The following WDR41 variants were observed in gnomAD, a reference collection of about 807,000 sequenced individuals.
WDR41 encodes the protein WD repeat-containing protein 41.
WDR41 carries 63 observed loss-of-function variants against 69.3 expected under a neutral mutation model. The ratio of observed to expected loss-of-function variants is 0.91; its 90% CI spans 0.74 to 1.12. The LOEUF (loss-of-function observed/expected upper bound fraction) is 1.12, where lower values mean the gene tolerates loss of function less well. Ranked by LOEUF, WDR41 falls within the 50% of genes most tolerant of loss-of-function variation. The pLI is 0.00. For synonymous variants in WDR41, 185 were observed against 192.1 expected (o/e 0.96, Z 0.31); for missense variants, 543 against 534.5 (o/e 1.02, Z -0.16).
intron 1 of WDR41, among the ~76,000 whole-genome samples, chr5:77,612,427 T>C (rs905770538): frequency 2.6e-5 from 4 of 152,040 alleles, no homozygotes; most frequent in African/African-American, 4.8e-5. Flanking sequence ...CAGCAATACA[T>C]CAAAAAGCTT....
In WDR41 at chr5:77,442,894, C is replaced by CAAAAAA. The variant is rs60442242; in HGVS notation, c.698-1903_698-1898dup. The stretch of plus-strand genomic sequence containing the variant: ...GCGACAGAGCGAGACTCTGTCTCCC[C>CAAAAAA]AAAAAAAAAAAAAAAAAAAGGATTT... On this transcript the variant is annotated intron_variant, in intron 8 of 12. Transcript: ENST00000296679. 1.2e-4 allele frequency among the ~76,000 whole-genome samples: 7 copies of CAAAAAA among 56,258 alleles called. 1 individual carries two copies. Among genetic ancestry groups the CAAAAAA allele is most frequent in the African/African-American group, 4.0e-4 (4 of 9,938 alleles). 36.9% of individuals were successfully genotyped at this position (56,258 alleles called of 152,430 possible).
intron 1 of WDR41, among the ~76,000 whole-genome samples, chr5:77,552,933 A>T (rs2112244011): frequency 6.6e-6 from 1 of 152,358 alleles, no homozygotes; most frequent in South Asian, 2.1e-4. Context: ...AACCTATAAG[A>T]CTTTCAGCAA....
chr5:77,618,996 G>A (rs1744728793), intron 1 of WDR41, among the ~76,000 whole-genome samples: 1 of 152,090 alleles, frequency 6.6e-6, no homozygotes, highest in Non-Finnish European at 1.5e-5. Context: ...AAGATTAGAT[G>A]ACCAGTAACC....
chr5:77,455,590 TTTGGGTCTTTGACCCA>T (rs1239818896), intron 5 of WDR41, among the ~76,000 whole-genome samples: 5 of 152,232 alleles, frequency 3.3e-5, no homozygotes, highest in African/African-American at 4.8e-5. Context: ...AGCTCTTACA[TTTGGGTCTTTGACCCA>T]TTTTGAGTTA....
chr5:77,535,588 C>T (rs1742959007), intron 1 of WDR41, among the ~76,000 whole-genome samples: 1 of 152,110 alleles, frequency 6.6e-6, no homozygotes, highest in Non-Finnish European at 1.5e-5. Context: ...ATAGTGGTTA[C>T]CTGAATCACA....
rs1798931824 is a variant in WDR41, at chr5:77,436,286, A to C, written c.1202T>G (p.Leu401Trp). 6.2e-7 allele frequency: 1 copy of C among 1,614,056 alleles called. No homozygotes were observed. Among genetic ancestry groups the C allele is most frequent in the Admixed American group, 1.7e-5 (1 of 60,010 alleles). The change falls in exon 12 of 13, where the codon TTG becomes TGG. Residue 401 changes from leucine (L) to tryptophan (W), a missense_variant. Leu to Trp is a moderately conservative substitution (Grantham distance 61). Transcript: ENST00000296679. ...TSCSLELIGD[L>W]IGHSSSVEMF... Reference sequence around the variant, plus strand: ...CTCCACAGATGATGAGTGTCCAATCAAATCTCCAATAAGCTCCAGTGAACA... The same window carrying C: ...CTCCACAGATGATGAGTGTCCAATCCAATCTCCAATAAGCTCCAGTGAACA...
At chr5:77,477,636 GAC>G (rs1801006501) in intron 2 of WDR41, among the ~76,000 whole-genome samples, 2 of 77,148 alleles carry the variant, frequency 2.6e-5, no homozygotes, top group Non-Finnish European at 4.4e-5. Context: ...CGAGAACAAA[GAC>G]ACAACATATC....
intron 1 of WDR41, among the ~76,000 whole-genome samples, chr5:77,597,355 G>T (rs1201540245): frequency 2.6e-5 from 4 of 152,130 alleles, no homozygotes; most frequent in Non-Finnish European, 5.9e-5. Context: ...ATATTAATGA[G>T]TGTTTAATTC....
At chr5:77,615,335 C>G (rs984082603) in intron 1 of WDR41, among the ~76,000 whole-genome samples, 1 of 151,898 alleles carries the variant, frequency 6.6e-6, no homozygotes, top group Non-Finnish European at 1.5e-5. Context: ...GCATATATGT[C>G]CATATTTTTA....
intron 1 of WDR41, among the ~76,000 whole-genome samples, chr5:77,560,684 G>A (rs1397685395): frequency 2.0e-5 from 3 of 152,064 alleles, no homozygotes; most frequent in African/African-American, 4.8e-5. Flanking sequence ...GTGATTCCAG[G>A]AAATTAGTAA....
chr5:77,547,137 C>A (rs1055609330), intron 1 of WDR41, among the ~76,000 whole-genome samples: 1 of 152,020 alleles, frequency 6.6e-6, no homozygotes, highest in Non-Finnish European at 1.5e-5. Flanking sequence ...TAATAAAAGT[C>A]ATCTATGACA....
chr5:77,479,938 A>G (rs1801143788), intron 2 of WDR41: 1 of 152,028 alleles, frequency 6.6e-6, no homozygotes, highest in South Asian at 2.1e-4. Flanking sequence ...ACAAAGGGCT[A>G]ATATCCAGAA....
chr5:77,559,046 G>C (rs13188880), intron 1 of WDR41, among the ~76,000 whole-genome samples: 17,648 of 152,170 alleles, frequency 0.12, 1,261 homozygotes, highest in South Asian at 0.16. Flanking sequence ...ACTCTTTTAG[G>C]AGAGCTCAAG....
intron 3 of WDR41, among the ~76,000 whole-genome samples, chr5:77,463,886 A>T (rs1344290658): frequency 6.6e-6 from 1 of 151,690 alleles, no homozygotes; most frequent in Non-Finnish European, 1.5e-5. Context: ...TGATTTTATC[A>T]CAGGCAAAGC....
At chr5:77,500,210 C>T (rs1198194892) in intron 1 of WDR41, among the ~76,000 whole-genome samples, 2 of 152,090 alleles carry the variant, frequency 1.3e-5, no homozygotes, top group Non-Finnish European at 2.9e-5. Flanking sequence ...TTGAAACAAA[C>T]ATTAAAACAC....
intron 2 of WDR41, among the ~76,000 whole-genome samples, chr5:77,484,398 A>AG (rs1331541194): frequency 6.6e-6 from 1 of 152,238 alleles, no homozygotes; most frequent in Non-Finnish European, 1.5e-5. Flanking sequence ...ATGGTGGATT[A>AG]GGGGCCTTTA....
At chr5:77,581,928 T>A (rs78364482) in intron 1 of WDR41, among the ~76,000 whole-genome samples, 4,092 of 152,106 alleles carry the variant, frequency 0.027, 161 homozygotes, top group African/African-American at 0.09. Context: ...CCTAACACCT[T>A]AGGATACTGG....
At chr5:77,454,387 C>T (rs562211296) in intron 5 of WDR41, among the ~76,000 whole-genome samples, 1 of 152,192 alleles carries the variant, frequency 6.6e-6, no homozygotes, top group Non-Finnish European at 1.5e-5. Context: ...ATAAGATGCT[C>T]TCTAGTCCTA....
chr5:77,474,429 AG>A (rs199947986), intron 2 of WDR41, among the ~76,000 whole-genome samples: 9,869 of 152,192 alleles, frequency 0.065, 578 homozygotes, highest in African/African-American at 0.15. Flanking sequence ...TAAAACTTAA[AG>A]TATAACAACA....
Sources: allele counts gnomAD v4.1 joint callset (sites outside exome capture counted in the v4.1 genomes callset), GRCh38; gene constraint gnomAD v4.1.1; transcripts MANE v1.5; gene names NCBI Gene and HGNC (gene_info 2026-07-23, HGNC 2026-07-21).